The following SHISA2 variants were observed in gnomAD, a reference collection of about 807,000 sequenced individuals.
SHISA2 encodes protein shisa-2 homolog.
In SHISA2, 16 loss-of-function variants were observed where a neutral mutation model predicts 23.8. The ratio of observed to expected loss-of-function variants is 0.67; its 90% CI spans 0.46 to 1.02. The LOEUF (loss-of-function observed/expected upper bound fraction) is 1.02. Ranked by LOEUF, SHISA2 falls within the 50% of genes least tolerant of loss-of-function variation. The probability of loss-of-function intolerance (pLI) is 0.00; values close to 1 mark genes in which losing one functional copy is unlikely to be tolerated. For synonymous variants in SHISA2, 201 were observed against 178.6 expected (o/e 1.13, Z -1.00); for missense variants, 459 against 420.1 (o/e 1.09, Z -0.81).
At chr13:26,050,565 C>G (rs886729685) in intron 1 of SHISA2, 77 bp downstream of exon 1, 12 of 1,317,788 alleles carry the variant, frequency 9.1e-6, no homozygotes, top group Non-Finnish European at 1.2e-5. Flanking sequence ...GAATTTCCCC[C>G]CTTCAAACTC....
At position 26,045,262 on chromosome 13, in the gene SHISA2, G is replaced by C. The variant is rs977948396; in HGVS notation, c.*1251C>G. The C allele has an allele frequency of 6.6e-6, 1 of 152,048 alleles. No homozygotes were observed. The highest frequency in any genetic ancestry group is 2.4e-5 in the African/African-American group (1 of 41,384). The allele number at this position is 152,048 out of a possible 1,614,324, so 9.4% of individuals were successfully genotyped here. ...CAAGTATAGTAATTACTTGCACTCA[G>C]GACTATATAGACATGGGGCTCTGAA... On this transcript the variant is annotated 3_prime_UTR_variant, in exon 2 of 2. Coordinates refer to ENST00000319420, the MANE Select transcript of SHISA2 (RefSeq NM_001007538.2).
intron 1 of SHISA2, among the ~76,000 whole-genome samples, chr13:26,050,069 G>A (rs973939670): frequency 6.6e-6 from 1 of 152,220 alleles, no homozygotes; most frequent in African/African-American, 2.4e-5. Context: ...CTGCTCCGAT[G>A]TTACACCTAC....
Position 26,050,835 on chromosome 13 carries a change from G to C in SHISA2, c.141C>G (p.Val47=). 1 of 1,534,520 alleles carries C rather than the reference G, an allele frequency of 6.5e-7. No individual in the cohort carries two copies. Among genetic ancestry groups the C allele is most frequent in the Non-Finnish European group, 8.7e-7 (1 of 1,150,246 alleles). Residue 47 remains valine (V), a synonymous_variant, in exon 1 of 2, where the codon GTC becomes GTG. Coordinates refer to ENST00000319420, the MANE Select transcript of SHISA2 (RefSeq NM_001007538.2). The part of the protein sequence containing the change: ...YCHGWLDAQG[V]WRIGFQCPER... Reference sequence around the variant, plus strand: ...CGGGACACTGGAAGCCGATGCGCCAGACGCCCTGCGCGTCCAGCCAGCCGT... The same window carrying C: ...CGGGACACTGGAAGCCGATGCGCCACACGCCCTGCGCGTCCAGCCAGCCGT...
At chr13:26,050,371 A>C (rs1957293693) in intron 1 of SHISA2, among the ~76,000 whole-genome samples, 1 of 152,258 alleles carries the variant, frequency 6.6e-6, no homozygotes, top group South Asian at 2.1e-4. Flanking sequence ...GTCAGAAGGA[A>C]TATGGGGGCT....
At position 26,045,017 on chromosome 13, in the gene SHISA2, A is replaced by G. The variant is rs1214560809; in HGVS notation, c.*1496T>C. ...TTCGTTGAAAAGCTTTTCTCTTAAC[A>G]ATCCTTAGTGCCTGAAAAATAAGCC... On this transcript the variant is annotated 3_prime_UTR_variant, in exon 2 of 2. Transcript: ENST00000319420. 6.6e-6 allele frequency: 1 copy of G among 152,190 alleles called. No homozygotes were observed. 9.4% of individuals were successfully genotyped at this position (152,190 alleles called of 1,614,324 possible). A position where few individuals can be genotyped will look rare whatever the true frequency, so the allele number is the denominator to read the frequency against.
In SHISA2 at chr13:26,051,799, C is replaced by T. The variant is rs940598702; in HGVS notation, c.-824G>A. ...CAGGCGGGCGGCTCGCCCCGGTTCC[C>T]CTTCTCCGCCTCCCCGGCTGCAGCG... On this transcript the variant is annotated 5_prime_UTR_variant, in exon 1 of 2. Transcript: ENST00000319420. Among the ~76,000 whole-genome samples, 2 of 152,142 alleles carry T rather than the reference C, an allele frequency of 1.3e-5. No individual in the cohort carries two copies. The highest frequency in any genetic ancestry group is 1.3e-4 in the Admixed American group (2 of 15,284).
chr13:26,046,594 C>G lies in SHISA2; in HGVS notation c.807G>C (p.Leu269=), dbSNP rs747649857. The G allele has an allele frequency of 4.3e-6, 7 of 1,614,068 alleles. No individual in the cohort carries two copies. The East Asian group carries it at 1.3e-4, about 31-fold the overall frequency. ...MTAVPPFMDG[L]QPGYRQIQSP... The stretch of plus-strand genomic sequence containing the variant: ...ACTGAATCTGCCTGTAGCCAGGCTG[C>G]AGGCCGTCCATGAAAGGTGGCACAG... Residue 269 remains leucine, a synonymous_variant, in exon 2 of 2, where the codon CTG becomes CTC. Transcript: ENST00000319420.
chr13:26,048,493 G>A (rs1355874387), intron 1 of SHISA2, among the ~76,000 whole-genome samples: 1 of 152,120 alleles, frequency 6.6e-6, no homozygotes, highest in Non-Finnish European at 1.5e-5. Flanking sequence ...TGCATTTTCT[G>A]ATGTGTTCTT....
In SHISA2 at chr13:26,046,646, A is replaced by G. The variant is rs750257400; in HGVS notation, c.755T>C (p.Val252Ala). ...YLHPPYVGYT[V>A]QHDSVPMTAV... ...TGTCATGGGCACAGAGTCGTGCTGCACCGTGTACCCCACGTATGGGGGATG... is the reference window on the plus strand; with the variant it reads ...TGTCATGGGCACAGAGTCGTGCTGCGCCGTGTACCCCACGTATGGGGGATG... The change falls in exon 2 of 2, where the codon GTG becomes GCG. Residue 252 changes from valine (V) to alanine (A), a missense_variant. Val to Ala is a moderately conservative substitution (Grantham distance 64, BLOSUM62 0). Coordinates refer to ENST00000319420, the MANE Select transcript of SHISA2 (RefSeq NM_001007538.2). 3.1e-6 allele frequency: 5 copies of G among 1,614,204 alleles called. No homozygotes were observed. The South Asian group carries it at 4.4e-5, about 14-fold the overall frequency.
In SHISA2 at chr13:26,050,766, G is replaced by T; in HGVS notation, c.210C>A (p.Cys70Ter). Reference sequence around the variant, plus strand: ...CGCTGGAGCAGCAGTAGCGCAACGCGCAGCTGCCGCAGCAGATGGTGGCGT... The same window carrying T: ...CGCTGGAGCAGCAGTAGCGCAACGCTCAGCTGCCGCAGCAGATGGTGGCGT... ...GGDATICCGSCALRYCCSSAE... is the reference protein window; with the variant it reads ...GGDATICCGS Residue 70 changes from cysteine (C) to a stop codon, truncating the protein, a stop_gained, in exon 1 of 2, where the codon TGC becomes TGA. Transcript: ENST00000319420. LOFTEE classifies it high-confidence loss of function. The T allele has an allele frequency of 6.6e-7, 1 of 1,516,134 alleles. No homozygotes were observed. The highest frequency in any genetic ancestry group is 8.8e-7 in the Non-Finnish European group (1 of 1,141,488). 93.9% of individuals were successfully genotyped at this position (1,516,134 alleles called of 1,614,324 possible).
At position 26,050,797 on chromosome 13, in the gene SHISA2, C is replaced by A; in HGVS notation, c.179G>T (p.Gly60Val). 3 of 1,526,940 alleles carry A rather than the reference C, an allele frequency of 2.0e-6. No homozygotes were observed. Among genetic ancestry groups the A allele is most frequent in the Non-Finnish European group, 2.6e-6 (3 of 1,147,456 alleles). 94.6% of individuals were successfully genotyped at this position (1,526,940 alleles called of 1,614,324 possible). ...GCCGCAGCAGATGGTGGCGTCGCCG[C>A]CGTCGAAGCGCTCGGGACACTGGAA... is the stretch of plus-strand genomic sequence containing the variant. ...IGFQCPERFD[G>V]GDATICCGSC... Residue 60 changes from glycine to valine, a missense_variant, in exon 1 of 2, where the codon GGC (glycine) becomes GTC (valine). Gly to Val is a moderately radical substitution (Grantham distance 109). Coordinates refer to ENST00000319420, the MANE Select transcript of SHISA2 (RefSeq NM_001007538.2).
rs185333447 is a variant in SHISA2 at position 26,048,387 on chromosome 13, T to C, written c.335-1321A>G. 4.6e-5 allele frequency among the ~76,000 whole-genome samples: 7 copies of C among 152,182 alleles called. No individual in the cohort carries two copies. In the East Asian group the frequency reaches 5.8e-4, roughly 13 times the overall value. ...GAGGGCACTACAAGGCTTTAGAAAA[T>C]AGACGCAGGTTGACAGGGACAGAAT... On this transcript the variant is annotated intron_variant, in intron 1 of 1. Coordinates refer to ENST00000319420, the MANE Select transcript of SHISA2 (RefSeq NM_001007538.2).
At chr13:26,047,592 T>G (rs557152191) in intron 1 of SHISA2, among the ~76,000 whole-genome samples, 2 of 152,312 alleles carry the variant, frequency 1.3e-5, no homozygotes, top group South Asian at 4.1e-4. Context: ...AGTCAAAAAT[T>G]TAGGCCAGAC....
chr13:26,050,869 T>TCGCCGCTGGCCCTCGCCCC lies in SHISA2; in HGVS notation c.88_106dup (p.Glu36GlyfsTer62), dbSNP rs1241705721. 4 of 1,524,196 alleles carry TCGCCGCTGGCCCTCGCCCC rather than the reference T, an allele frequency of 2.6e-6. No individual in the cohort carries two copies. Among genetic ancestry groups the TCGCCGCTGGCCCTCGCCCC allele is most frequent in the African/African-American group, 1.4e-5 (1 of 70,608 alleles). The allele number at this position is 1,524,196 out of a possible 1,614,324, so 94.4% of individuals were successfully genotyped here. On this transcript the variant is annotated frameshift_variant, in exon 1 of 2. Transcript: ENST00000319420. LOFTEE classifies it high-confidence loss of function. Reference sequence around the variant, plus strand: ...CGCGTCCAGCCAGCCGTGGCAGTACTCGCCGCTGGCCCTCGCCCCCGCCGC... The same window carrying TCGCCGCTGGCCCTCGCCCC: ...CGCGTCCAGCCAGCCGTGGCAGTACTCGCCGCTGGCCCTCGCCCCCGCCGCTGGCCCTCGCCCCCGCCGC...
intron 1 of SHISA2, among the ~76,000 whole-genome samples, chr13:26,048,973 C>T (rs1409460178): frequency 6.6e-6 from 1 of 152,186 alleles, no homozygotes; most frequent in African/African-American, 2.4e-5. Flanking sequence ...TTCAGGCTAA[C>T]TACGGATCAC....
In SHISA2 at chr13:26,046,750, A is replaced by C; in HGVS notation, c.651T>G (p.Tyr217Ter). The C allele has an allele frequency of 6.2e-7, 1 of 1,614,202 alleles. No homozygotes were observed. The highest frequency in any genetic ancestry group is 8.5e-7 in the Non-Finnish European group (1 of 1,180,040). Residue 217 changes from tyrosine (Y) to a stop codon, truncating the protein, a stop_gained, in exon 2 of 2, where the codon TAT becomes TAG. Transcript: ENST00000319420. LOFTEE classifies it high-confidence loss of function. ...CAGAGAAATTCGTGGGCATGTTGAC[A>C]TACACGTTGTTCATGGTCCCTTCCG... ...CLPEGTMNNVYVNMPTNFSVL... is the reference protein window; with the variant it reads ...CLPEGTMNNV
intron 1 of SHISA2, among the ~76,000 whole-genome samples, chr13:26,049,782 G>C (rs1355356235): frequency 6.6e-6 from 1 of 151,144 alleles, no homozygotes; most frequent in African/African-American, 2.4e-5. Flanking sequence ...TAAACACAAC[G>C]GGCCCACAAA....
chr13:26,047,870 G>T (rs929443089), intron 1 of SHISA2, among the ~76,000 whole-genome samples: 2 of 152,162 alleles, frequency 1.3e-5, no homozygotes, highest in Non-Finnish European at 2.9e-5. Context: ...AGCCAAGAAG[G>T]CAAGAGTACA....
intron 1 of SHISA2, among the ~76,000 whole-genome samples, chr13:26,050,200 G>A (rs1566374646): frequency 6.6e-6 from 1 of 152,152 alleles, no homozygotes; most frequent in African/African-American, 2.4e-5. Flanking sequence ...CAGCAGCCCC[G>A]GGAAAGCCCT....
Sources: allele counts gnomAD v4.1 joint callset (sites outside exome capture counted in the v4.1 genomes callset), GRCh38; gene constraint gnomAD v4.1.1; transcripts MANE v1.5; gene names NCBI Gene and HGNC (gene_info 2026-07-23, HGNC 2026-07-21).